CDH8: variants seen among roughly 807,000 people sequenced by gnomAD.
CDH8 encodes the protein cadherin 8.
CDH8 carries 17 observed loss-of-function variants against 68.1 expected under a neutral mutation model. The observed-to-expected ratio is 0.25, with a 90% CI of 0.17 to 0.37. The LOEUF (loss-of-function observed/expected upper bound fraction) is 0.37. Ranked by LOEUF, CDH8 falls within the 10% of genes least tolerant of loss-of-function variation. The pLI is 1.00. For missense variants in CDH8, 763 were observed against 999.3 expected (o/e 0.76, Z 3.19); for synonymous variants, 372 against 365.1 (o/e 1.02, Z -0.21).
intron 11 of CDH8, among the ~76,000 whole-genome samples, chr16:61,655,189 G>C (rs193079265): frequency 2.6e-5 from 4 of 152,088 alleles, no homozygotes; most frequent in Non-Finnish European, 5.9e-5. Flanking sequence ...TTGTAACGAC[G>C]TAAAAGCCCT....
intron 1 of CDH8, among the ~76,000 whole-genome samples, chr16:62,030,368 G>GT (rs1567575562): frequency 1.3e-5 from 2 of 151,376 alleles, no homozygotes; most frequent in African/African-American, 4.9e-5. Flanking sequence ...AGTATGAATT[G>GT]TTTTTTGTTT....
rs557862656 is a variant in CDH8, at chr16:61,679,326, A to G, written c.1655-23605T>C. ...TGTCAAATCTCTGAGATGGGACATT[A>G]TCAGGAAAATCTTCATTTAAAATTC... is the stretch of plus-strand genomic sequence containing the variant. On this transcript the variant is annotated intron_variant, in intron 10 of 11. Transcript: ENST00000577390. 7.2e-5 allele frequency among the ~76,000 whole-genome samples: 11 copies of G among 152,154 alleles called. No individual in the cohort carries two copies. The South Asian group carries it at 1.4e-3, about 20-fold the overall frequency.
At chr16:61,902,227 G>A (rs1481464827) in intron 2 of CDH8, among the ~76,000 whole-genome samples, 1 of 152,062 alleles carries the variant, frequency 6.6e-6, no homozygotes, top group Non-Finnish European at 1.5e-5. Context: ...TTTTCACCAT[G>A]AACCCAAATC....
intron 2 of CDH8, among the ~76,000 whole-genome samples, chr16:61,912,699 C>G (rs1964180737): frequency 6.6e-6 from 1 of 152,042 alleles, no homozygotes; most frequent in African/African-American, 2.4e-5. Context: ...TGATCTTGGG[C>G]AGGTCACCTA....
chr16:62,017,833 C>T (rs1901977765), intron 2 of CDH8, among the ~76,000 whole-genome samples: 1 of 152,088 alleles, frequency 6.6e-6, no homozygotes, highest in African/African-American at 2.4e-5. Flanking sequence ...TGGGGCACTT[C>T]ACTTCCCACC....
intron 9 of CDH8, among the ~76,000 whole-genome samples, chr16:61,723,349 C>T (rs1789799508): frequency 6.6e-6 from 1 of 150,628 alleles, no homozygotes; most frequent in Non-Finnish European, 1.5e-5. Context: ...GTTACCTGTT[C>T]CTCCACTCGT....
At chr16:61,720,760 A>T (rs1959210940) in intron 9 of CDH8, among the ~76,000 whole-genome samples, 1 of 150,930 alleles carries the variant, frequency 6.6e-6, no homozygotes, top group Non-Finnish European at 1.5e-5. Flanking sequence ...TAGTTATTCC[A>T]ATATTAGAGC....
chr16:62,030,815 C>A (rs1188869873), intron 1 of CDH8, among the ~76,000 whole-genome samples: 1 of 151,980 alleles, frequency 6.6e-6, no homozygotes, highest in Non-Finnish European at 1.5e-5. Flanking sequence ...CACAAAAGTA[C>A]CTTATCATGG....
At chr16:61,694,009 T>C (rs2142835995) in intron 10 of CDH8, among the ~76,000 whole-genome samples, 1 of 152,284 alleles carries the variant, frequency 6.6e-6, no homozygotes. Context: ...TGATAGGCAT[T>C]ACTAACCCCA....
intron 2 of CDH8, among the ~76,000 whole-genome samples, chr16:61,916,351 C>T (rs539397338): frequency 6.6e-6 from 1 of 152,020 alleles, no homozygotes; most frequent in African/African-American, 2.4e-5. Context: ...CCTGTCTCTA[C>T]CAAAAATACA....
chr16:61,795,892 G>C (rs1596974826), intron 7 of CDH8, among the ~76,000 whole-genome samples: 1 of 152,044 alleles, frequency 6.6e-6, no homozygotes, highest in East Asian at 1.9e-4. Context: ...ACCTACAGGA[G>C]CCTTTTATAC....
intron 2 of CDH8, among the ~76,000 whole-genome samples, chr16:61,934,709 A>G (rs948612198): frequency 1.3e-5 from 2 of 152,126 alleles, no homozygotes; most frequent in Non-Finnish European, 2.9e-5. Flanking sequence ...ACCATTTCCC[A>G]TTCACCTTTG....
chr16:61,782,129 C>T (rs1034106031), intron 8 of CDH8, among the ~76,000 whole-genome samples: 17 of 152,266 alleles, frequency 1.1e-4, no homozygotes, highest in Admixed American at 6.5e-4. Flanking sequence ...CAGCTCCCAG[C>T]GTGAGCGACG....
chr16:61,776,596 A>G (rs1960904955), intron 8 of CDH8, among the ~76,000 whole-genome samples: 1 of 152,134 alleles, frequency 6.6e-6, no homozygotes, highest in African/African-American at 2.4e-5. Context: ...ATGTTCCTGA[A>G]CAAACAATTT....
rs11862787 is a variant in CDH8 at position 61,740,053 on chromosome 16, G to A, written c.1415-12838C>T. On this transcript the variant is annotated intron_variant, in intron 8 of 11. Coordinates refer to ENST00000577390, the MANE Select transcript of CDH8 (RefSeq NM_001796.5). ...CTCCTGAGTAGCTGGGACTACAGGC[G>A]CATGCCACCACGCCCGGCTAATTTT... 9.1e-3 allele frequency among the ~76,000 whole-genome samples: 1,380 copies of A among 151,250 alleles called. 24 individuals carry two copies. Among genetic ancestry groups the A allele is most frequent in the African/African-American group, 0.032 (1,316 of 41,182 alleles).
rs1218362718 is a variant in CDH8 at position 61,797,708 on chromosome 16, AT to A, written c.1278-8227del. Among the ~76,000 whole-genome samples the A allele has an allele frequency of 4.6e-5, 7 of 152,204 alleles. 1 individual carries two copies. The highest frequency in any genetic ancestry group is 3.9e-4 in the Admixed American group (6 of 15,284). On this transcript the variant is annotated intron_variant, in intron 7 of 11. Transcript: ENST00000577390. ...GTAGATGACACTGCCAAATATCCAGATTTTTTTAAAATAACAACAAACATAT... is the reference window on the plus strand; with the variant it reads ...GTAGATGACACTGCCAAATATCCAGATTTTTTAAAATAACAACAAACATAT...
intron 8 of CDH8, among the ~76,000 whole-genome samples, chr16:61,781,338 T>C (rs1261199568): frequency 6.6e-6 from 1 of 152,176 alleles, no homozygotes; most frequent in Non-Finnish European, 1.5e-5. Flanking sequence ...TGGGCCTTGG[T>C]TGTGGATCCT....
At chr16:61,983,385 T>C (rs1200488011) in intron 2 of CDH8, among the ~76,000 whole-genome samples, 1 of 152,232 alleles carries the variant, frequency 6.6e-6, no homozygotes, top group Non-Finnish European at 1.5e-5. Context: ...TATAAACAAT[T>C]GCGACTTGTA....
intron 8 of CDH8, among the ~76,000 whole-genome samples, chr16:61,788,088 TAAA>T (rs34586856): frequency 1.5e-5 from 2 of 133,184 alleles, no homozygotes; most frequent in African/African-American, 5.4e-5. Context: ...TAAAGTATAA[TAAA>T]AAAAAAAAAA....
Sources: allele counts gnomAD v4.1 joint callset (sites outside exome capture counted in the v4.1 genomes callset), GRCh38; gene constraint gnomAD v4.1.1; transcripts MANE v1.5; gene names NCBI Gene and HGNC (gene_info 2026-07-23, HGNC 2026-07-21).